The following EPHB1 variants were observed in gnomAD, a reference collection of about 807,000 sequenced individuals.
EPHB1 encodes EPH receptor B1, also known as ephrin type-B receptor 1.
A neutral mutation model predicts 94.4 loss-of-function variants in EPHB1; 30 were observed. The observed-to-expected ratio is 0.32, with a 90% CI of 0.24 to 0.43. The LOEUF (loss-of-function observed/expected upper bound fraction) is 0.43, where lower values mean the gene tolerates loss of function less well. Ranked by LOEUF, EPHB1 falls within the 20% of genes least tolerant of loss-of-function variation. EPHB1 has a pLI of 1.00. For missense variants in EPHB1, 1,055 were observed against 1,308.3 expected (o/e 0.81, Z 2.99); for synonymous variants, 522 against 489.1 (o/e 1.07, Z -0.89).
intron 3 of EPHB1, among the ~76,000 whole-genome samples, chr3:135,004,271 A>G (rs370325540): frequency 2.6e-5 from 4 of 151,236 alleles, no homozygotes; most frequent in East Asian, 3.9e-4. Flanking sequence ...TTCTTTAAGA[A>G]TGTTGAATAT....
At chr3:135,172,871 C>T (rs926747897) in intron 9 of EPHB1, among the ~76,000 whole-genome samples, 8 of 152,308 alleles carry the variant, frequency 5.3e-5, no homozygotes, top group South Asian at 2.1e-4. Context: ...CTCAAGAAAC[C>T]GTGTTAACTC....
At chr3:135,200,486 G>A (rs1942724324) in intron 11 of EPHB1, among the ~76,000 whole-genome samples, 1 of 152,164 alleles carries the variant, frequency 6.6e-6, no homozygotes, top group African/African-American at 2.4e-5. Flanking sequence ...CCAGTCTAAG[G>A]GCTGAAAGCC....
intron 11 of EPHB1, among the ~76,000 whole-genome samples, chr3:135,196,872 A>G (rs1244893335): frequency 1.3e-5 from 2 of 152,182 alleles, no homozygotes; most frequent in East Asian, 1.9e-4. Context: ...TTATTGTGCC[A>G]TGGATTATAT....
intron 10 of EPHB1, among the ~76,000 whole-genome samples, chr3:135,188,295 G>A (rs749902928): frequency 4.6e-5 from 7 of 151,926 alleles, no homozygotes; most frequent in Non-Finnish European, 1.0e-4. Context: ...AGGAGTTCAA[G>A]ACCAGCCTGG....
chr3:135,242,813 C>G (rs1480705433), intron 13 of EPHB1, among the ~76,000 whole-genome samples: 1 of 152,136 alleles, frequency 6.6e-6, no homozygotes, highest in African/African-American at 2.4e-5. Flanking sequence ...CGCAGTGGCT[C>G]ATGCTTGTAG....
chr3:135,162,071 G>A lies in EPHB1; in HGVS notation c.1476G>A (p.Arg492=), dbSNP rs1468456796. ...CCAGGAGTCAGACCAACACAGCAAGGATTGATGGGCTGCGGCCTGGCATGG... is the reference window on the plus strand; with the variant it reads ...CCAGGAGTCAGACCAACACAGCAAGAATTGATGGGCTGCGGCCTGGCATGG... ...SMARSQTNTA[R]IDGLRPGMVY... The change falls in exon 7 of 16, where the codon AGG becomes AGA. Residue 492 remains arginine, a synonymous_variant. Transcript: ENST00000398015. The A allele has an allele frequency of 1.9e-6, 3 of 1,613,672 alleles. No individual in the cohort carries two copies. In the East Asian group the frequency reaches 6.7e-5, roughly 36 times the overall value.
chr3:134,938,177 A>G (rs1267293730), intron 2 of EPHB1, among the ~76,000 whole-genome samples: 2 of 152,028 alleles, frequency 1.3e-5, no homozygotes, highest in African/African-American at 4.8e-5. Flanking sequence ...TGAATTTGTC[A>G]CTGTTGCAGT....
chr3:135,033,978 A>G (rs752026581), intron 3 of EPHB1, among the ~76,000 whole-genome samples: 14 of 152,086 alleles, frequency 9.2e-5, no homozygotes, highest in Admixed American at 6.5e-4. Context: ...GGTCTCCCTC[A>G]CACCATTAGT....
intron 3 of EPHB1, among the ~76,000 whole-genome samples, chr3:135,097,304 G>A (rs922216931): frequency 6.6e-6 from 1 of 150,590 alleles, no homozygotes; most frequent in Non-Finnish European, 1.5e-5. Flanking sequence ...CCTAATCACT[G>A]ACCTTGGACC....
intron 2 of EPHB1, among the ~76,000 whole-genome samples, chr3:134,946,579 C>A (rs2045451): frequency 6.6e-5 from 10 of 151,874 alleles, no homozygotes; most frequent in East Asian, 1.9e-4. Context: ...TGTTTGTCCC[C>A]TCCCAATCTC....
intron 9 of EPHB1, among the ~76,000 whole-genome samples, chr3:135,171,695 T>C (rs942689526): frequency 4.5e-4 from 68 of 152,348 alleles, no homozygotes; most frequent in African/African-American, 1.5e-3. Flanking sequence ...ACCACATTCT[T>C]AGTATCAGTG....
chr3:135,250,288 G>C (rs1181158077), intron 15 of EPHB1, among the ~76,000 whole-genome samples: 1 of 152,116 alleles, frequency 6.6e-6, no homozygotes, highest in Non-Finnish European at 1.5e-5. Flanking sequence ...GGGTTTTATA[G>C]AACTGTAGTC....
chr3:134,856,332 C>T (rs1258595949), intron 1 of EPHB1, among the ~76,000 whole-genome samples: 1 of 152,180 alleles, frequency 6.6e-6, no homozygotes, highest in Non-Finnish European at 1.5e-5. Flanking sequence ...GCAACCCAGC[C>T]TCCCCTCAGT....
chr3:135,106,839 A>T (rs936460187), intron 4 of EPHB1, among the ~76,000 whole-genome samples: 8 of 152,118 alleles, frequency 5.3e-5, no homozygotes, highest in African/African-American at 1.9e-4. Context: ...ATATAAGAGG[A>T]CCTTCTCCCA....
intron 3 of EPHB1, among the ~76,000 whole-genome samples, chr3:134,975,200 G>A (rs916416109): frequency 6.6e-6 from 1 of 152,148 alleles, no homozygotes; most frequent in Non-Finnish European, 1.5e-5. Flanking sequence ...GGGAGTCGAT[G>A]TTGGAAACTT....
intron 4 of EPHB1, among the ~76,000 whole-genome samples, chr3:135,128,248 C>T (rs1940283127): frequency 6.6e-6 from 1 of 152,240 alleles, no homozygotes; most frequent in South Asian, 2.1e-4. Context: ...TTAGTGGTCT[C>T]AATTGGCCTC....
At chr3:135,224,169 A>G (rs544989269) in intron 12 of EPHB1, among the ~76,000 whole-genome samples, 2 of 152,370 alleles carry the variant, frequency 1.3e-5, no homozygotes, top group South Asian at 4.1e-4. Context: ...AGGTTAGAGC[A>G]CATACACTCT....
intron 1 of EPHB1, among the ~76,000 whole-genome samples, chr3:134,849,962 C>T (rs2036947344): frequency 6.6e-6 from 1 of 152,190 alleles, no homozygotes; most frequent in Admixed American, 6.5e-5. Flanking sequence ...GGACCACCAC[C>T]TGCCCATGTT....
intron 3 of EPHB1, among the ~76,000 whole-genome samples, chr3:135,023,170 AATGTATTAAG>A (rs1397572089): frequency 6.6e-6 from 1 of 152,216 alleles, no homozygotes; most frequent in Non-Finnish European, 1.5e-5. Flanking sequence ...TTTCAAACAT[AATGTATTAAG>A]ATGTATTAAG....
Sources: allele counts gnomAD v4.1 joint callset (sites outside exome capture counted in the v4.1 genomes callset), GRCh38; gene constraint gnomAD v4.1.1; transcripts MANE v1.5; gene names NCBI Gene and HGNC (gene_info 2026-07-23, HGNC 2026-07-21).